DSCAM: variants seen among roughly 807,000 people sequenced by gnomAD.
The protein encoded by DSCAM is DS cell adhesion molecule.
DSCAM carries 47 observed loss-of-function variants against 217.7 expected under a neutral mutation model. The ratio of observed to expected loss-of-function variants is 0.22; its 90% CI spans 0.17 to 0.28. DSCAM has a LOEUF of 0.28. Ranked by LOEUF, DSCAM falls within the 10% of genes least tolerant of loss-of-function variation. The pLI is 1.00. For synonymous variants in DSCAM, 1,056 were observed against 1,015.3 expected (o/e 1.04, Z -0.76); for missense variants, 2,080 against 2,618.3 (o/e 0.79, Z 4.49).
chr21:40,676,107 T>C (rs1206335249), intron 3 of DSCAM, among the ~76,000 whole-genome samples: 1 of 152,210 alleles, frequency 6.6e-6, no homozygotes, highest in African/African-American at 2.4e-5. Context: ...AGTTTCACCA[T>C]TTTTCTTGAA....
At chr21:40,580,045 G>C (rs541318019) in intron 3 of DSCAM, among the ~76,000 whole-genome samples, 1 of 151,706 alleles carries the variant, frequency 6.6e-6, no homozygotes, top group African/African-American at 2.4e-5. Context: ...ACAGATTCTA[G>C]ATCTACCTTG....
intron 3 of DSCAM, among the ~76,000 whole-genome samples, chr21:40,454,190 T>C (rs73222702): frequency 0.015 from 2,332 of 152,312 alleles, 19 homozygotes; most frequent in Non-Finnish European, 0.024. Flanking sequence ...ACTCTCACCA[T>C]GTTCAGGGGA....
chr21:40,523,466 G>T (rs940379829), intron 3 of DSCAM, among the ~76,000 whole-genome samples: 1 of 152,172 alleles, frequency 6.6e-6, no homozygotes, highest in African/African-American at 2.4e-5. Flanking sequence ...AAGCCAGCAG[G>T]CCAGCAGGCC....
chr21:40,615,968 GAT>G (rs915679264), intron 3 of DSCAM, among the ~76,000 whole-genome samples: 2 of 152,106 alleles, frequency 1.3e-5, no homozygotes, highest in African/African-American at 4.8e-5. Context: ...TGATAGAAAT[GAT>G]AACGTTTTGA....
chr21:40,319,849 C>T (rs2123516887), intron 8 of DSCAM, among the ~76,000 whole-genome samples: 1 of 152,240 alleles, frequency 6.6e-6, no homozygotes, highest in Admixed American at 6.5e-5. Flanking sequence ...TAAAAATACC[C>T]CATGGAATAC....
chr21:40,112,766 C>T (rs2089916320), intron 20 of DSCAM, among the ~76,000 whole-genome samples: 1 of 152,094 alleles, frequency 6.6e-6, no homozygotes, highest in Non-Finnish European at 1.5e-5. Context: ...TACAAACTAC[C>T]ATCAGAGAAT....
At chr21:40,160,418 G>A (rs932677249) in intron 16 of DSCAM, among the ~76,000 whole-genome samples, 1 of 152,126 alleles carries the variant, frequency 6.6e-6, no homozygotes, top group Non-Finnish European at 1.5e-5. Flanking sequence ...ATGAAATAGT[G>A]TCAACTTATA....
chr21:40,461,143 G>A (rs534473445), intron 3 of DSCAM, among the ~76,000 whole-genome samples: 121 of 118,712 alleles, frequency 1.0e-3, no homozygotes, highest in Middle Eastern at 5.2e-3. Flanking sequence ...CATGAATGAA[G>A]TATTATTCAC....
intron 3 of DSCAM, among the ~76,000 whole-genome samples, chr21:40,481,549 A>G (rs1210044743): frequency 1.3e-5 from 2 of 151,606 alleles, no homozygotes; most frequent in Non-Finnish European, 1.5e-5. Context: ...AAAAAAAAAA[A>G]AAAGCTCACA....
chr21:40,240,476 C>G (rs1370046482), intron 11 of DSCAM, among the ~76,000 whole-genome samples: 1 of 146,400 alleles, frequency 6.8e-6, no homozygotes, highest in Non-Finnish European at 1.5e-5. Context: ...TACACTTTGT[C>G]TGCCTTTAAT....
intron 32 of DSCAM, among the ~76,000 whole-genome samples, chr21:40,032,761 C>A (rs1300894812): frequency 6.6e-6 from 1 of 152,158 alleles, no homozygotes; most frequent in African/African-American, 2.4e-5. Context: ...ATTGCTGGAA[C>A]TCAAGGAAAT....
chr21:40,263,306 C>T (rs1168200985), intron 11 of DSCAM, among the ~76,000 whole-genome samples: 3 of 151,974 alleles, frequency 2.0e-5, no homozygotes, highest in East Asian at 1.9e-4. Context: ...TTAGGTTTAC[C>T]TGGATGAATA....
intron 3 of DSCAM, among the ~76,000 whole-genome samples, chr21:40,459,886 G>C (rs1376804574): frequency 1.3e-5 from 2 of 152,154 alleles, no homozygotes; most frequent in African/African-American, 2.4e-5. Flanking sequence ...AAATGGTGTT[G>C]AGGCAACTGG....
At chr21:40,119,674 T>C (rs566371006) in intron 20 of DSCAM, among the ~76,000 whole-genome samples, 1 of 150,460 alleles carries the variant, frequency 6.6e-6, no homozygotes, top group Admixed American at 6.6e-5. Context: ...AAAAACATGA[T>C]AATGGAAGCT....
chr21:40,342,624 G>A (rs1443139841), intron 6 of DSCAM, among the ~76,000 whole-genome samples: 5 of 77,276 alleles, frequency 6.5e-5, no homozygotes, highest in East Asian at 3.2e-4. Context: ...GTGTGTGTGT[G>A]TGTATATATA....
At chr21:40,663,045 G>A (rs532744260) in intron 3 of DSCAM, among the ~76,000 whole-genome samples, 47 of 117,062 alleles carry the variant, frequency 4.0e-4, no homozygotes, top group African/African-American at 1.2e-3. Context: ...GTGCACATGT[G>A]AGTGTGTGTG....
At chr21:40,698,869 TA>T (rs56775350) in intron 2 of DSCAM, among the ~76,000 whole-genome samples, 11,061 of 107,256 alleles carry the variant, frequency 0.1, 666 homozygotes, top group African/African-American at 0.22. Flanking sequence ...GAATCCGTCT[TA>T]AAAAAAAAAA....
chr21:40,807,729 A>C (rs1404737165), intron 1 of DSCAM, among the ~76,000 whole-genome samples: 1 of 152,206 alleles, frequency 6.6e-6, no homozygotes, highest in Non-Finnish European at 1.5e-5. Flanking sequence ...AGAGTGGTCA[A>C]GCTCTGGCAG....
intron 16 of DSCAM, among the ~76,000 whole-genome samples, chr21:40,156,350 G>C (rs2090479501): frequency 7.1e-6 from 1 of 141,000 alleles, no homozygotes; most frequent in African/African-American, 2.5e-5. Context: ...AAAGGGGCTT[G>C]TAAAGGAGTA....
Sources: allele counts gnomAD v4.1 joint callset (sites outside exome capture counted in the v4.1 genomes callset), GRCh38; gene constraint gnomAD v4.1.1; transcripts MANE v1.5; gene names NCBI Gene and HGNC (gene_info 2026-07-23, HGNC 2026-07-21).